Variants in TNFAIP8 observed in about 807,000 individuals in gnomAD.
The protein encoded by TNFAIP8 is TNF alpha induced protein 8, also known as tumor necrosis factor alpha-induced protein 8.
Under a neutral mutation model 13.3 loss-of-function variants are expected in TNFAIP8, and 7 were observed. The ratio of observed to expected loss-of-function variants is 0.52; its 90% confidence interval spans 0.30 to 0.99. The LOEUF (loss-of-function observed/expected upper bound fraction) is 0.99. TNFAIP8 is among the 50% of genes least tolerant of loss of function. TNFAIP8 has a pLI of 0.07. For missense variants in TNFAIP8, 258 were observed against 236.9 expected, an observed-to-expected ratio of 1.09 and a Z score of -0.58; for synonymous variants, 94 against 87.6, an observed-to-expected ratio of 1.07 and a Z score of -0.41.
intron 1 of TNFAIP8, among the ~76,000 whole-genome samples, chr5:119,285,139 A>C (rs1455614301): frequency 2.0e-5 from 3 of 152,192 alleles, no homozygotes; most frequent in African/African-American, 7.2e-5. Context: ...GTAATGGGAA[A>C]AGCTCTGGAC....
chr5:119,318,902 C>G (rs562744258), intron 1 of TNFAIP8, among the ~76,000 whole-genome samples: 56 of 152,220 alleles, frequency 3.7e-4, no homozygotes, highest in African/African-American at 1.3e-3. Context: ...GTGTTTGGGT[C>G]CCTTTCACTT....
chr5:119,380,802 C>T (rs1161006687), intron 1 of TNFAIP8, among the ~76,000 whole-genome samples: 1 of 152,070 alleles, frequency 6.6e-6, no homozygotes, highest in East Asian at 1.9e-4. Context: ...AATGGGCTAA[C>T]TTTTCTATTC....
intron 1 of TNFAIP8, among the ~76,000 whole-genome samples, chr5:119,314,664 G>T (rs1749831395): frequency 6.6e-6 from 1 of 152,204 alleles, no homozygotes; most frequent in Non-Finnish European, 1.5e-5. Context: ...ACAGTACTGT[G>T]TAGTGGTTAA....
intron 1 of TNFAIP8, among the ~76,000 whole-genome samples, chr5:119,392,344 C>T (rs1191625683): frequency 2.6e-5 from 4 of 152,104 alleles, no homozygotes; most frequent in Non-Finnish European, 5.9e-5. Flanking sequence ...TCTTTTAAAT[C>T]GCTTGTGGTT....
chr5:119,331,416 A>G (rs1390267438), intron 1 of TNFAIP8, among the ~76,000 whole-genome samples: 1 of 152,130 alleles, frequency 6.6e-6, no homozygotes, highest in Non-Finnish European at 1.5e-5. Context: ...CTTTGAATAG[A>G]TCCGGGGATA....
chr5:119,320,513 C>T (rs1487258813), intron 1 of TNFAIP8, among the ~76,000 whole-genome samples: 2 of 152,150 alleles, frequency 1.3e-5, no homozygotes, highest in Non-Finnish European at 2.9e-5. Context: ...TGTACAATCT[C>T]CCCTTCCTGC....
rs924389284 is a variant in TNFAIP8, at chr5:119,397,152, C to A, written c.*3771C>A. 1.4e-5 allele frequency: 2 copies of A among 141,384 alleles called. No homozygotes were observed. The highest frequency in any genetic ancestry group is 5.2e-5 in the African/African-American group (2 of 38,176). The allele number at this position is 141,384 out of a possible 1,614,324, so 8.8% of individuals were successfully genotyped here. A position where few individuals can be genotyped will look rare whatever the true frequency, so the allele number is the denominator to read the frequency against. On this transcript the variant is annotated 3_prime_UTR_variant, in exon 2 of 2. Transcript: ENST00000504771. ...ACACACACACACACACACACACACA[C>A]AATTTTTAAGCCCCCAAAGGCTTAA...
chr5:119,288,224 A>G (rs1458618778), intron 1 of TNFAIP8, among the ~76,000 whole-genome samples: 2 of 152,168 alleles, frequency 1.3e-5, no homozygotes, highest in African/African-American at 4.8e-5. Flanking sequence ...TTTCCTCTTA[A>G]CATTATTTTG....
intron 1 of TNFAIP8, among the ~76,000 whole-genome samples, chr5:119,329,409 G>T (rs1022892874): frequency 4.6e-5 from 7 of 152,216 alleles, no homozygotes; most frequent in African/African-American, 1.2e-4. Context: ...GACCTGAGCA[G>T]TCTCTGCCCC....
chr5:119,314,619 T>G (rs1025006108), intron 1 of TNFAIP8, among the ~76,000 whole-genome samples: 7 of 152,214 alleles, frequency 4.6e-5, no homozygotes, highest in Non-Finnish European at 1.0e-4. Flanking sequence ...TATCACTGAT[T>G]GGGATTTGTT....
At chr5:119,314,489 A>T (rs976765836) in intron 1 of TNFAIP8, among the ~76,000 whole-genome samples, 1 of 152,238 alleles carries the variant, frequency 6.6e-6, no homozygotes, top group Non-Finnish European at 1.5e-5. Flanking sequence ...TTGTTGATGG[A>T]GTCTGGAACA....
chr5:119,268,952 G>A (rs1005606624), intron 1 of TNFAIP8: 2 of 672,700 alleles, frequency 3.0e-6, no homozygotes, highest in African/African-American at 1.8e-5. Context: ...ACTCCAGCGC[G>A]CCTCTCCCGC....
At chr5:119,351,892 C>A (rs1378776736), upstream of TNFAIP8, among the ~76,000 whole-genome samples, 1 of 149,638 alleles carries the variant, frequency 6.7e-6, no homozygotes, top group Non-Finnish European at 1.5e-5. Flanking sequence ...TGGGTTCAAG[C>A]GATTCTTCTG....
At chr5:119,295,606 T>A (rs371269614) in intron 1 of TNFAIP8, among the ~76,000 whole-genome samples, 2 of 152,028 alleles carry the variant, frequency 1.3e-5, no homozygotes, top group Non-Finnish European at 2.9e-5. Flanking sequence ...TTGACTTGGC[T>A]ATGCGGGCTC....
chr5:119,275,093 C>G (rs969666422), intron 1 of TNFAIP8, among the ~76,000 whole-genome samples: 2 of 146,344 alleles, frequency 1.4e-5, no homozygotes, highest in Non-Finnish European at 3.0e-5. Flanking sequence ...TTAAAATGAA[C>G]ACAACATATA....
At chr5:119,311,732 T>C (rs1419336126) in intron 1 of TNFAIP8, among the ~76,000 whole-genome samples, 1 of 141,182 alleles carries the variant, frequency 7.1e-6, no homozygotes, top group Non-Finnish European at 1.5e-5. Context: ...CTCATATCAA[T>C]GGAACGGGCA....
chr5:119,299,868 G>A (rs561704991), intron 1 of TNFAIP8, among the ~76,000 whole-genome samples: 1 of 152,306 alleles, frequency 6.6e-6, no homozygotes, highest in East Asian at 1.9e-4. Flanking sequence ...TCAGACTGCT[G>A]TGCTAGCAAT....
chr5:119,303,908 C>T (rs954801094), intron 1 of TNFAIP8, among the ~76,000 whole-genome samples: 1 of 152,134 alleles, frequency 6.6e-6, no homozygotes, highest in African/African-American at 2.4e-5. Context: ...AGTAAACATA[C>T]CCGGTAAGTG....
At chr5:119,377,619 G>C (rs1752332067) in intron 1 of TNFAIP8, among the ~76,000 whole-genome samples, 1 of 152,096 alleles carries the variant, frequency 6.6e-6, no homozygotes, top group Non-Finnish European at 1.5e-5. Context: ...GGAGATTTTG[G>C]TACTCAAATG....
Sources: allele counts gnomAD v4.1 joint callset (sites outside exome capture counted in the v4.1 genomes callset), GRCh38; gene constraint gnomAD v4.1.1; transcripts MANE v1.5; gene names NCBI Gene and HGNC (gene_info 2026-07-23, HGNC 2026-07-21).